Variants in FCN2 observed in about 807,000 individuals in gnomAD.
FCN2 encodes ficolin 2, also known as ficolin-2.
A neutral mutation model predicts 32.5 loss-of-function variants in FCN2; 31 were observed. The observed-to-expected ratio is 0.96, with a 90% CI of 0.72 to 1.29. The LOEUF (loss-of-function observed/expected upper bound fraction) is 1.29, where lower values mean the gene tolerates loss of function less well. Ranked by LOEUF, FCN2 falls within the 50% of genes most tolerant of loss-of-function variation. FCN2 has a pLI of 0.00. For missense variants in FCN2, 412 were observed against 406.5 expected (o/e 1.01, Z -0.12); for synonymous variants, 181 against 164.5 (o/e 1.10, Z -0.77).
chr9:134,868,682 G>A, the FCN2 span, among the ~76,000 whole-genome samples: 2 of 152,192 alleles, frequency 1.3e-5, no homozygotes, highest in African/African-American at 2.4e-5. The surrounding 1 kb of genome is among the most constrained non-coding windows in gnomAD (Gnocchi z 4.3). Context: ...AAGGCTAGGC[G>A]AAGCCCCAGC....
At chr9:134,878,765 C>T (rs970793630), upstream of FCN2, among the ~76,000 whole-genome samples, 9 of 152,224 alleles carry the variant, frequency 5.9e-5, no homozygotes, top group African/African-American at 1.9e-4. Context: ...ATCGCTTGAA[C>T]CCAGGAGGCG....
At chr9:134,869,603 C>T in the FCN2 span, among the ~76,000 whole-genome samples, 1 of 152,242 alleles carries the variant, frequency 6.6e-6, no homozygotes, top group Non-Finnish European at 1.5e-5. Context: ...TTCTGTTAGT[C>T]TCTCCGAGGC....
intron 1 of FCN2, 149 bp downstream of exon 1, chr9:134,881,070 TG>T (rs760236030): frequency 7.2e-6 from 5 of 690,250 alleles, no homozygotes; most frequent in Non-Finnish European, 1.3e-5. Context: ...CCTCATCTTA[TG>T]TGAACAAACG....
chr9:134,869,945 G>A, the FCN2 span, among the ~76,000 whole-genome samples: 1 of 152,156 alleles, frequency 6.6e-6, no homozygotes, highest in Non-Finnish European at 1.5e-5. Context: ...CAGGAGGGGG[G>A]GGCCCACAAA....
chr9:134,874,758 T>G, the FCN2 span, among the ~76,000 whole-genome samples: 1 of 152,254 alleles, frequency 6.6e-6, no homozygotes, highest in Non-Finnish European at 1.5e-5. Context: ...CTGGGATTTT[T>G]GTTTGGCCTG....
intron 1 of FCN2, among the ~76,000 whole-genome samples, chr9:134,881,640 T>A (rs1325686303): frequency 6.6e-6 from 1 of 152,090 alleles, no homozygotes; most frequent in Admixed American, 6.5e-5. Context: ...GTGTCAGGAT[T>A]TCTGGAATGC....
In FCN2 at chr9:134,887,451, A is replaced by G. The variant is rs925452632; in HGVS notation, c.*36A>G. 1.2e-6 allele frequency: 2 copies of G among 1,606,062 alleles called. No homozygotes were observed. Among genetic ancestry groups the G allele is most frequent in the Non-Finnish European group, 1.7e-6 (2 of 1,173,476 alleles). On this transcript the variant is annotated 3_prime_UTR_variant, in exon 8 of 8. Coordinates refer to ENST00000291744, the MANE Select transcript of FCN2 (RefSeq NM_004108.3). Reference sequence around the variant, plus strand: ...CCTCAGGGTCAGGACGCCTCCACACATAGTTGGTTGGGGGGTAGGGTTGGG... The same window carrying G: ...CCTCAGGGTCAGGACGCCTCCACACGTAGTTGGTTGGGGGGTAGGGTTGGG...
chr9:134,872,988 G>A, the FCN2 span, among the ~76,000 whole-genome samples: 3 of 152,158 alleles, frequency 2.0e-5, no homozygotes, highest in East Asian at 1.9e-4. Flanking sequence ...GTGTGGTGAC[G>A]TCTCATCACG....
the FCN2 span, among the ~76,000 whole-genome samples, chr9:134,874,584 A>T: frequency 1.3e-5 from 2 of 152,208 alleles, no homozygotes; most frequent in Non-Finnish European, 2.9e-5. Context: ...CTGCTTTTAC[A>T]TCCAAACAAC....
chr9:134,881,151 C>T (rs563818432), intron 1 of FCN2, among the ~76,000 whole-genome samples: 6 of 152,290 alleles, frequency 3.9e-5, no homozygotes, highest in East Asian at 1.9e-4. Context: ...TAATGGAAAC[C>T]GAGGCAGGTT....
At chr9:134,878,552 T>C (rs1030244165), upstream of FCN2, among the ~76,000 whole-genome samples, 1 of 152,212 alleles carries the variant, frequency 6.6e-6, no homozygotes, top group Non-Finnish European at 1.5e-5. Context: ...ATTAAAAATC[T>C]TACTTTAGGG....
chr9:134,867,513 A>C, the FCN2 span, among the ~76,000 whole-genome samples: 1 of 118,000 alleles, frequency 8.5e-6, no homozygotes. Context: ...GGGGGGAGGG[A>C]TAGCATTGGG....
chr9:134,886,603 A>AG lies in FCN2; in HGVS notation c.694+45dup, dbSNP rs768356305. On this transcript the variant is annotated intron_variant, in intron 7 of 7. Transcript: ENST00000291744. ...TGGGGCTGTGTGGCCTGGGCTTCTG[A>AG]GGGGGGTTTGGGAAGTGGAGAGAGC... 9 of 1,611,096 alleles carry AG rather than the reference A, an allele frequency of 5.6e-6. No homozygotes were observed. The South Asian group carries it at 6.6e-5, about 12-fold the overall frequency.
chr9:134,880,610 C>G, upstream of FCN2, among the ~76,000 whole-genome samples: 1 of 152,160 alleles, frequency 6.6e-6, no homozygotes, highest in Non-Finnish European at 1.5e-5. Context: ...AGGAGACCGT[C>G]CCCCTGCAGG....
At chr9:134,884,195 G>A (rs1385025471) in intron 3 of FCN2, among the ~76,000 whole-genome samples, 1 of 152,104 alleles carries the variant, frequency 6.6e-6, no homozygotes, top group Non-Finnish European at 1.5e-5. Flanking sequence ...TTTTCTTGAG[G>A]AATAAATTTT....
At chr9:134,869,858 C>T in the FCN2 span, among the ~76,000 whole-genome samples, 1 of 152,192 alleles carries the variant, frequency 6.6e-6, no homozygotes, top group East Asian at 1.9e-4. Flanking sequence ...ACAGGCCCCT[C>T]AGGTGGGCGC....
chr9:134,872,146 G>A, the FCN2 span, among the ~76,000 whole-genome samples: 7 of 151,862 alleles, frequency 4.6e-5, no homozygotes, highest in Middle Eastern at 3.2e-3. Flanking sequence ...GTCATACTCC[G>A]TGTGTGGATG....
At chr9:134,873,062 A>C in the FCN2 span, among the ~76,000 whole-genome samples, 1 of 150,950 alleles carries the variant, frequency 6.6e-6, no homozygotes, top group Non-Finnish European at 1.5e-5. Context: ...TATTTGCTAT[A>C]TCCGCACATC....
chr9:134,881,474 G>T (rs1830662875), intron 1 of FCN2, among the ~76,000 whole-genome samples: 1 of 152,126 alleles, frequency 6.6e-6, no homozygotes, highest in Admixed American at 6.5e-5. Context: ...CTCCTTCGGG[G>T]CTCCCGAGGG....
Sources: allele counts gnomAD v4.1 joint callset (sites outside exome capture counted in the v4.1 genomes callset), GRCh38; gene constraint gnomAD v4.1.1; non-coding constraint Gnocchi (gnomAD v3.1); transcripts MANE v1.5; gene names NCBI Gene and HGNC (gene_info 2026-07-23, HGNC 2026-07-21).